METTL16: variants seen among roughly 807,000 people sequenced by gnomAD.
METTL16 encodes the protein methyltransferase 16, RNA N6-adenosine, also known as RNA N(6)-adenosine-methyltransferase METTL16.
Under a neutral mutation model 57.9 loss-of-function variants are expected in METTL16, and 19 were observed. The observed-to-expected ratio is 0.33, with a 90% confidence interval of 0.23 to 0.48. The LOEUF is 0.48. Ranked by LOEUF, METTL16 falls within the 20% of genes least tolerant of loss-of-function variation. METTL16 has a pLI of 0.99. For synonymous variants in METTL16, 246 were observed against 255.6 expected (o/e 0.96, Z 0.36); for missense variants, 434 against 691.5 (o/e 0.63, Z 4.18).
chr17:2,507,809 G>A (rs1394042269), intron 1 of METTL16, among the ~76,000 whole-genome samples: 2 of 152,212 alleles, frequency 1.3e-5, no homozygotes, highest in East Asian at 1.9e-4. Flanking sequence ...TTGGGATCCT[G>A]TTGATCTGTG....
At position 2,464,365 on chromosome 17, in the gene METTL16, A is replaced by C; in HGVS notation, c.586-15T>G. The C allele has an allele frequency of 1.9e-6, 3 of 1,584,590 alleles. No individual in the cohort carries two copies. Among genetic ancestry groups the C allele is most frequent in the Non-Finnish European group, 2.6e-6 (3 of 1,170,470 alleles). On this transcript the variant is annotated splice_polypyrimidine_tract_variant and intron_variant, in intron 5 of 9. Coordinates refer to ENST00000263092, the MANE Select transcript of METTL16 (RefSeq NM_024086.4). ...GAGTTTACTCCCTGAAAAACAACAA[A>C]AAACCCTGGTGAAAAATGTGTACAC...
intron 6 of METTL16, among the ~76,000 whole-genome samples, chr17:2,462,275 T>TC (rs1313563673): frequency 1.3e-5 from 2 of 152,062 alleles, no homozygotes; most frequent in African/African-American, 4.8e-5. Flanking sequence ...CCTAGAGTAG[T>TC]CAAGTTCATA....
intron 1 of METTL16, among the ~76,000 whole-genome samples, chr17:2,503,791 C>A (rs1346364855): frequency 1.3e-5 from 2 of 151,734 alleles, no homozygotes; most frequent in Non-Finnish European, 2.9e-5. Context: ...CATGGTATAT[C>A]CATACAGTAA....
At chr17:2,430,238 A>C (rs574580313) in intron 8 of METTL16, among the ~76,000 whole-genome samples, 10 of 150,288 alleles carry the variant, frequency 6.7e-5, no homozygotes, top group African/African-American at 2.2e-4. Context: ...TCAGCCTCCC[A>C]AGTAGCTGGG....
At position 2,503,960 on chromosome 17, in the gene METTL16, C is replaced by T. The variant is rs556361432; in HGVS notation, c.1-1629G>A. Among the ~76,000 whole-genome samples the T allele has an allele frequency of 2.0e-5, 3 of 151,976 alleles. No individual in the cohort carries two copies. In the South Asian group the frequency reaches 6.2e-4, roughly 32 times the overall value. On this transcript the variant is annotated intron_variant, in intron 1 of 9. Coordinates refer to ENST00000263092, the MANE Select transcript of METTL16 (RefSeq NM_024086.4). ...ATACCCATACAATACATATGATCAA[C>T]AAAATATGGTATATCCATACAATAA... is the stretch of plus-strand genomic sequence containing the variant.
rs1567878672 is a variant in METTL16 at position 2,420,979 on chromosome 17, CAG to C, written c.889-77_889-76del. 1 of 1,513,960 alleles carries C rather than the reference CAG, an allele frequency of 6.6e-7. No individual in the cohort carries two copies. The highest frequency in any genetic ancestry group is 9.0e-7 in the Non-Finnish European group (1 of 1,115,818). The allele number at this position is 1,513,960 out of a possible 1,614,324, so 93.8% of individuals were successfully genotyped here. A position where few individuals can be genotyped will look rare whatever the true frequency, so the allele number is the denominator to read the frequency against. The stretch of plus-strand genomic sequence containing the variant: ...TAAACCTCATGCATTGTAATGAACT[CAG>C]AGAAAATTTCCACAACTTCTGCTAC... On this transcript the variant is annotated intron_variant, in intron 8 of 9. Transcript: ENST00000263092. The surrounding 1 kb of genome is among the most constrained non-coding windows in gnomAD (Gnocchi z 5.4).
chr17:2,436,467 T>G (rs1279841413), intron 8 of METTL16, among the ~76,000 whole-genome samples: 1 of 152,186 alleles, frequency 6.6e-6, no homozygotes, highest in Non-Finnish European at 1.5e-5. Context: ...ATCTGCAAAT[T>G]GTTCCCTTGT....
chr17:2,486,785 T>A (rs564962054), intron 2 of METTL16, among the ~76,000 whole-genome samples: 1 of 151,456 alleles, frequency 6.6e-6, no homozygotes, highest in Non-Finnish European at 1.5e-5. Flanking sequence ...CCAACCTGGG[T>A]AGCATGGTGA....
intron 2 of METTL16, among the ~76,000 whole-genome samples, chr17:2,479,886 C>T (rs1006866827): frequency 2.6e-5 from 4 of 152,066 alleles, no homozygotes; most frequent in Non-Finnish European, 5.9e-5. Context: ...AGTTTCTCCA[C>T]CTATAAAAGT....
At chr17:2,498,824 C>A (rs972434854) in intron 2 of METTL16, among the ~76,000 whole-genome samples, 1 of 151,554 alleles carries the variant, frequency 6.6e-6, no homozygotes, top group Non-Finnish European at 1.5e-5. Flanking sequence ...AGAAAAATTT[C>A]AAACTCCTCA....
At chr17:2,508,602 CA>C (rs1165531947) in intron 1 of METTL16, among the ~76,000 whole-genome samples, 2 of 152,098 alleles carry the variant, frequency 1.3e-5, no homozygotes, top group African/African-American at 4.8e-5. Context: ...TTCACAACAC[CA>C]CCTCTCTGGC....
intron 1 of METTL16, among the ~76,000 whole-genome samples, chr17:2,505,928 C>T (rs1233105210): frequency 1.3e-5 from 2 of 152,096 alleles, no homozygotes; most frequent in Non-Finnish European, 2.9e-5. Context: ...CATGCCCTTG[C>T]TCTTTGTGTC....
chr17:2,477,385 T>A, intron 3 of METTL16: 1 of 282,814 alleles, frequency 3.5e-6, no homozygotes, highest in South Asian at 5.0e-5. Flanking sequence ...GGATGAGAAG[T>A]GTTTTGGATT....
Position 2,420,440 on chromosome 17 carries a change from C to G in METTL16, c.1219G>C (p.Glu407Gln). 6.2e-7 allele frequency: 1 copy of G among 1,614,140 alleles called. No individual in the cohort carries two copies. Among genetic ancestry groups the G allele is most frequent in the East Asian group, 2.2e-5 (1 of 44,886 alleles). ...TCTTTGGGGGTGGGCTTTTTCTCTT[C>G]CAAGGCCTGAATGACGTCCTCAGGA... ...RAPEDVIQAL[E>Q]EKKPTPKESG... Residue 407 changes from glutamate (E) to glutamine (Q), a missense_variant, in exon 10 of 10, where the codon GAA (glutamate) becomes CAA (glutamine). This residue lies in a region of METTL16 where 168 missense variants were observed against 149.6 expected (regional missense o/e 1.12). Coordinates refer to ENST00000263092, the MANE Select transcript of METTL16 (RefSeq NM_024086.4). The surrounding 1 kb of genome is among the most constrained non-coding windows in gnomAD (Gnocchi z 5.4).
intron 6 of METTL16, among the ~76,000 whole-genome samples, chr17:2,445,946 T>C (rs2066992251): frequency 6.6e-6 from 1 of 152,080 alleles, no homozygotes; most frequent in Non-Finnish European, 1.5e-5. Flanking sequence ...GCAAGGCTGG[T>C]TTAATATTCA....
At position 2,420,191 on chromosome 17, in the gene METTL16, G is replaced by C. The variant is rs1164254064; in HGVS notation, c.1468C>G (p.Gln490Glu). Residue 490 changes from glutamine to glutamate, a missense_variant, in exon 10 of 10, where the codon CAA (glutamine) becomes GAA (glutamate). This residue lies in a region of METTL16 where 168 missense variants were observed against 149.6 expected (regional missense o/e 1.12). Transcript: ENST00000263092. The surrounding 1 kb of genome is among the most constrained non-coding windows in gnomAD (Gnocchi z 5.4). The stretch of plus-strand genomic sequence containing the variant: ...CTGCCGAACTGCTCAGAAGCCTCTT[G>C]GTCCTGGGCTCCGTTGCTAGAGCCT... ...CQGSSNGAQD[Q>E]EASEQFGSPV... 1 of 1,614,090 alleles carries C rather than the reference G, an allele frequency of 6.2e-7. No homozygotes were observed. Among genetic ancestry groups the C allele is most frequent in the East Asian group, 2.2e-5 (1 of 44,892 alleles).
At chr17:2,423,285 T>C (rs1054570237) in intron 8 of METTL16, among the ~76,000 whole-genome samples, 3 of 151,660 alleles carry the variant, frequency 2.0e-5, no homozygotes, top group Admixed American at 1.3e-4. Context: ...TGTGTGTGTG[T>C]GTGTGTGTGT....
At chr17:2,477,280 C>T in intron 3 of METTL16, 1 of 176,124 alleles carries the variant, frequency 5.7e-6, no homozygotes, top group East Asian at 1.4e-4. Flanking sequence ...TTTGGACTGA[C>T]AATCCCTTCT....
intron 3 of METTL16, 53 bp from the exon 4 acceptor site, chr17:2,473,717 A>C: frequency 6.4e-7 from 1 of 1,550,988 alleles, no homozygotes; most frequent in Non-Finnish European, 8.7e-7. Context: ...GAAAGGTTAC[A>C]ATAATCATGA....
Sources: allele counts gnomAD v4.1 joint callset (sites outside exome capture counted in the v4.1 genomes callset), GRCh38; gene constraint gnomAD v4.1.1; regional missense constraint gnomAD v4.1.1; non-coding constraint Gnocchi (gnomAD v3.1); transcripts MANE v1.5; gene names NCBI Gene and HGNC (gene_info 2026-07-23, HGNC 2026-07-21).